The following PTPRM variants were observed in gnomAD, a reference collection of about 807,000 sequenced individuals.
The protein encoded by PTPRM is receptor-type tyrosine-protein phosphatase mu.
PTPRM carries 47 observed loss-of-function variants against 186.7 expected under a neutral mutation model. The observed-to-expected ratio is 0.25, with a 90% confidence interval of 0.20 to 0.32. The LOEUF (loss-of-function observed/expected upper bound fraction) is 0.32. PTPRM is among the 10% of genes least tolerant of loss of function. The probability of loss-of-function intolerance (pLI) is 1.00; values close to 1 mark genes in which losing one functional copy is unlikely to be tolerated. For synonymous variants in PTPRM, 668 were observed against 674.9 expected (o/e 0.99, Z 0.16); for missense variants, 1,494 against 1,865.0 (o/e 0.80, Z 3.66).
chr18:8,236,891 T>G (rs963327497), intron 14 of PTPRM, among the ~76,000 whole-genome samples: 1 of 152,226 alleles, frequency 6.6e-6, no homozygotes, highest in Admixed American at 6.5e-5. Context: ...ATTGATAACA[T>G]TGGATATCTT....
At chr18:8,089,772 A>G (rs1353828031) in intron 11 of PTPRM, among the ~76,000 whole-genome samples, 1 of 152,204 alleles carries the variant, frequency 6.6e-6, no homozygotes, top group Non-Finnish European at 1.5e-5. Context: ...CTGCAGTATC[A>G]TAAGGCAATC....
At chr18:7,667,523 C>T (rs1356650887) in intron 1 of PTPRM, among the ~76,000 whole-genome samples, 1 of 152,122 alleles carries the variant, frequency 6.6e-6, no homozygotes, top group Non-Finnish European at 1.5e-5. Flanking sequence ...AGCCAGAAAG[C>T]AATGTATGGT....
chr18:8,353,737 A>G (rs2095548297), intron 23 of PTPRM, among the ~76,000 whole-genome samples: 1 of 152,098 alleles, frequency 6.6e-6, no homozygotes, highest in Non-Finnish European at 1.5e-5. Context: ...ATGAGCAATA[A>G]TGTGGTGCTT....
At chr18:7,646,371 G>T (rs1204540410) in intron 1 of PTPRM, among the ~76,000 whole-genome samples, 1 of 152,196 alleles carries the variant, frequency 6.6e-6, no homozygotes, top group African/African-American at 2.4e-5. Context: ...GATGGACATT[G>T]CTGGTGGTGG....
intron 7 of PTPRM, among the ~76,000 whole-genome samples, chr18:8,019,122 A>G (rs1942959): frequency 0.65 from 99,158 of 152,024 alleles, 32,704 homozygotes; most frequent in African/African-American, 0.74. Flanking sequence ...TCATCAGTTC[A>G]CTGCACTCTG....
intron 1 of PTPRM, among the ~76,000 whole-genome samples, chr18:7,573,743 C>G (rs533059199): frequency 1.4e-4 from 22 of 152,120 alleles, no homozygotes; most frequent in Admixed American, 3.3e-4. Context: ...GTGCCTGCCA[C>G]CACGCCTGGC....
intron 20 of PTPRM, among the ~76,000 whole-genome samples, chr18:8,314,566 G>A (rs914064541): frequency 1.3e-5 from 2 of 152,204 alleles, no homozygotes; most frequent in African/African-American, 2.4e-5. Context: ...CAAAGAATAA[G>A]TTAATGAGAT....
At chr18:7,824,777 C>T (rs1182957798) in intron 2 of PTPRM, among the ~76,000 whole-genome samples, 1 of 152,104 alleles carries the variant, frequency 6.6e-6, no homozygotes, top group African/African-American at 2.4e-5. Context: ...CCTCATCATC[C>T]CAGCATGCTT....
intron 14 of PTPRM, among the ~76,000 whole-genome samples, chr18:8,164,936 G>A (rs1458710841): frequency 6.6e-6 from 1 of 152,112 alleles, no homozygotes; most frequent in Non-Finnish European, 1.5e-5. Context: ...AGGCCAAGGT[G>A]GGCGGATCAC....
chr18:7,836,587 C>T (rs1005363627), intron 2 of PTPRM, among the ~76,000 whole-genome samples: 11 of 152,182 alleles, frequency 7.2e-5, no homozygotes, highest in African/African-American at 2.4e-4. Flanking sequence ...CTTACTATTA[C>T]AAGTGAGCTT....
At chr18:8,226,549 G>A (rs1187587304) in intron 14 of PTPRM, among the ~76,000 whole-genome samples, 2 of 152,168 alleles carry the variant, frequency 1.3e-5, no homozygotes, top group Non-Finnish European at 2.9e-5. Context: ...AGAAAATGTA[G>A]GCCCTTGTTG....
chr18:8,229,766 ATTATATTTG>A (rs901509474), intron 14 of PTPRM, among the ~76,000 whole-genome samples: 35 of 152,182 alleles, frequency 2.3e-4, no homozygotes, highest in African/African-American at 8.4e-4. Context: ...ACTAATTTTT[ATTATATTTG>A]TATAATATGA....
At chr18:7,785,792 A>G (rs759712609) in intron 2 of PTPRM, among the ~76,000 whole-genome samples, 2 of 152,182 alleles carry the variant, frequency 1.3e-5, no homozygotes, top group African/African-American at 2.4e-5. Flanking sequence ...GACTTATGTA[A>G]TACCGATTTG....
intron 2 of PTPRM, among the ~76,000 whole-genome samples, chr18:7,833,697 G>A (rs985662642): frequency 2.6e-5 from 4 of 151,978 alleles, no homozygotes; most frequent in African/African-American, 4.8e-5. Context: ...TCTCACCATG[G>A]CACTCCAGCC....
At chr18:8,210,391 G>A (rs2093987141) in intron 14 of PTPRM, among the ~76,000 whole-genome samples, 1 of 152,108 alleles carries the variant, frequency 6.6e-6, no homozygotes, top group Admixed American at 6.5e-5. Flanking sequence ...GCTGCGGGAG[G>A]ACAGAGGCAG....
At chr18:8,015,302 A>G (rs1046747331) in intron 7 of PTPRM, among the ~76,000 whole-genome samples, 1 of 152,226 alleles carries the variant, frequency 6.6e-6, no homozygotes, top group African/African-American at 2.4e-5. Flanking sequence ...ATTGACACAT[A>G]TTTTTAAATA....
At chr18:8,352,736 A>C (rs2095542498) in intron 23 of PTPRM, among the ~76,000 whole-genome samples, 1 of 149,118 alleles carries the variant, frequency 6.7e-6, no homozygotes, top group Non-Finnish European at 1.5e-5. Context: ...CAGTGGCACG[A>C]TCTTGGCTCA....
chr18:8,097,286 G>C (rs1412357713), intron 11 of PTPRM, among the ~76,000 whole-genome samples: 2 of 152,140 alleles, frequency 1.3e-5, no homozygotes, highest in Non-Finnish European at 2.9e-5. Context: ...AGAAAGATTA[G>C]GGAGTGGTTT....
intron 3 of PTPRM, among the ~76,000 whole-genome samples, chr18:7,896,910 G>T (rs1390554224): frequency 6.6e-6 from 1 of 152,198 alleles, no homozygotes; most frequent in Non-Finnish European, 1.5e-5. Flanking sequence ...CCCCTGCACA[G>T]CTAGCTCGGT....
Sources: gnomAD v4.1 joint callset for allele counts (sites outside exome capture counted in the v4.1 genomes callset) on GRCh38, gnomAD v4.1.1 for gene constraint, MANE v1.5 for transcripts, NCBI Gene and HGNC (gene_info 2026-07-23, HGNC 2026-07-21) for gene names.